Variants in PRDM16 observed in about 807,000 individuals in gnomAD.
PRDM16 encodes PR/SET domain 16, also known as histone-lysine N-methyltransferase PRDM16.
A neutral mutation model predicts 110.6 loss-of-function variants in PRDM16; 23 were observed. That is an observed-to-expected ratio of 0.21 (90% CI 0.15 to 0.29). PRDM16 has a LOEUF of 0.29. Among genes scored for constraint, PRDM16 ranks in the 10% least tolerant of loss-of-function variants. The pLI, the probability that PRDM16 is intolerant of heterozygous loss-of-function variation, is 1.00. For missense variants in PRDM16, 1,615 were observed against 1,794.3 expected (o/e 0.90, Z 1.81); for synonymous variants, 799 against 781.8 (o/e 1.02, Z -0.37).
At chr1:3,238,889 C>G (rs149043832) in intron 2 of PRDM16, among the ~76,000 whole-genome samples, 1 of 152,238 alleles carries the variant, frequency 6.6e-6, no homozygotes. Flanking sequence ...GACATCTGCC[C>G]GGTCACCTCA....
In PRDM16 at chr1:3,434,911, G is replaced by A. The variant is rs1638866378; in HGVS notation, c.*1100G>A. 1 of 231,484 alleles carries A rather than the reference G, an allele frequency of 4.3e-6. No individual in the cohort carries two copies. Among genetic ancestry groups the A allele is most frequent in the African/African-American group, 2.2e-5 (1 of 45,238 alleles). 14.3% of individuals were successfully genotyped at this position (231,484 alleles called of 1,614,324 possible). A position where few individuals can be genotyped will look rare whatever the true frequency, so the allele number is the denominator to read the frequency against. ...CCAGCGGCTCCGGTGTCCTCCACGT[G>A]GCTGCCCTGGGGAGCAATCCCAGCG... On this transcript the variant is annotated 3_prime_UTR_variant, in exon 17 of 17. Coordinates refer to ENST00000270722, the MANE Select transcript of PRDM16 (RefSeq NM_022114.4).
intron 10 of PRDM16, among the ~76,000 whole-genome samples, chr1:3,415,893 A>G (rs923909561): frequency 1.3e-5 from 2 of 152,260 alleles, no homozygotes; most frequent in Non-Finnish European, 2.9e-5. Context: ...GACAAAGCCC[A>G]AGAGGCCATG....
chr1:3,284,812 G>A (rs1640809965), intron 3 of PRDM16, among the ~76,000 whole-genome samples: 1 of 152,230 alleles, frequency 6.6e-6, no homozygotes. Flanking sequence ...AACCCAGCGT[G>A]GTCCCGCCCA....
chr1:3,085,053 C>G (rs1296458596), intron 1 of PRDM16, among the ~76,000 whole-genome samples: 1 of 152,196 alleles, frequency 6.6e-6, no homozygotes, highest in Non-Finnish European at 1.5e-5. Context: ...CCTTGGTCCC[C>G]AGCCGCACCT....
intron 2 of PRDM16, among the ~76,000 whole-genome samples, chr1:3,194,725 G>A (rs1053950655): frequency 4.2e-4 from 62 of 149,278 alleles, no homozygotes; most frequent in South Asian, 8.9e-4. Flanking sequence ...CCGTCTCCCC[G>A]CCACACGCCA....
At chr1:3,155,151 G>A (rs1411949600) in intron 1 of PRDM16, among the ~76,000 whole-genome samples, 1 of 152,214 alleles carries the variant, frequency 6.6e-6, no homozygotes, top group African/African-American at 2.4e-5. Flanking sequence ...AGATTGGAGA[G>A]AGGCTGCCGT....
At chr1:3,248,627 C>A (rs888882002) in intron 3 of PRDM16, among the ~76,000 whole-genome samples, 3 of 152,148 alleles carry the variant, frequency 2.0e-5, no homozygotes, top group Non-Finnish European at 4.4e-5. Flanking sequence ...GTCATTCCGC[C>A]GGAAGAGGGG....
chr1:3,083,414 G>A (rs953762716), intron 1 of PRDM16, among the ~76,000 whole-genome samples: 3 of 152,236 alleles, frequency 2.0e-5, no homozygotes, highest in South Asian at 2.1e-4. Context: ...CGGGCAGATC[G>A]TCCTGGGGCT....
intron 1 of PRDM16, among the ~76,000 whole-genome samples, chr1:3,142,255 C>G (rs1304782976): frequency 6.6e-6 from 1 of 152,258 alleles, no homozygotes; most frequent in Non-Finnish European, 1.5e-5. Context: ...CTAGAACAAA[C>G]AGCGATGTCT....
At chr1:3,099,836 G>T (rs532645270) in intron 1 of PRDM16, among the ~76,000 whole-genome samples, 1 of 152,226 alleles carries the variant, frequency 6.6e-6, no homozygotes, top group Admixed American at 6.5e-5. Flanking sequence ...GTGAACCGTC[G>T]TGGGAGTGGG....
chr1:3,266,774 C>T (rs1333449928), intron 3 of PRDM16, among the ~76,000 whole-genome samples: 3 of 152,246 alleles, frequency 2.0e-5, no homozygotes, highest in Non-Finnish European at 4.4e-5. Context: ...CTCCCAGGGT[C>T]AAACAATTCT....
intron 1 of PRDM16, among the ~76,000 whole-genome samples, chr1:3,097,471 G>A (rs2817170): frequency 0.57 from 86,196 of 152,102 alleles, 26,069 homozygotes; most frequent in African/African-American, 0.77. Context: ...GTGAATGGTG[G>A]TAGGTGCTGG....
At chr1:3,236,439 C>T (rs1419284049) in intron 2 of PRDM16, among the ~76,000 whole-genome samples, 5 of 152,208 alleles carry the variant, frequency 3.3e-5, no homozygotes, top group Admixed American at 1.3e-4. Context: ...GTCTGACCAC[C>T]GCATTGGCAA....
Position 3,319,612 on chromosome 1 carries a change from C to T in PRDM16, c.439-65540C>T, listed in dbSNP as rs181748838. On this transcript the variant is annotated intron_variant, in intron 3 of 16. Transcript: ENST00000270722. ...CCTGGCTTCAGGGATGGAAGGAGAG[C>T]GTGGAGGCGTCAGGCGCTCCTCTCT... 3.3e-5 allele frequency among the ~76,000 whole-genome samples: 5 copies of T among 152,238 alleles called. No homozygotes were observed. In the East Asian group the frequency reaches 5.8e-4, roughly 18 times the overall value.
intron 1 of PRDM16, among the ~76,000 whole-genome samples, chr1:3,082,500 A>G (rs1642053102): frequency 6.6e-6 from 1 of 152,208 alleles, no homozygotes; most frequent in South Asian, 2.1e-4. Context: ...GCTGGGCTGA[A>G]TGGTGTTCAG....
At chr1:3,417,766 C>A in intron 10 of PRDM16, 62 bp from the exon 11 acceptor site, 1 of 1,425,876 alleles carries the variant, frequency 7.0e-7, no homozygotes, top group Non-Finnish European at 9.9e-7. Context: ...CCCAGCAGTG[C>A]GTGCCCCTGA....
At chr1:3,106,460 C>G (rs545668489) in intron 1 of PRDM16, among the ~76,000 whole-genome samples, 26 of 152,194 alleles carry the variant, frequency 1.7e-4, no homozygotes, top group African/African-American at 6.0e-4. Flanking sequence ...AGGGCTGGTG[C>G]GAGATGGATA....
chr1:3,110,935 C>T (rs550901530), intron 1 of PRDM16, among the ~76,000 whole-genome samples: 71 of 152,288 alleles, frequency 4.7e-4, no homozygotes, highest in African/African-American at 1.6e-3. Context: ...GGGTCTAAAT[C>T]GAAGGAGGCC....
At chr1:3,134,894 C>T (rs543766969) in intron 1 of PRDM16, among the ~76,000 whole-genome samples, 9 of 152,204 alleles carry the variant, frequency 5.9e-5, no homozygotes, top group Non-Finnish European at 1.2e-4. Context: ...CCTGAGAGCC[C>T]GGCGAGGGGA....
Sources: gnomAD v4.1 joint callset for allele counts (sites outside exome capture counted in the v4.1 genomes callset) on GRCh38, gnomAD v4.1.1 for gene constraint, MANE v1.5 for transcripts, NCBI Gene and HGNC (gene_info 2026-07-23, HGNC 2026-07-21) for gene names.